TLE4: variants seen among roughly 807,000 people sequenced by gnomAD.
TLE4 encodes the protein transducin-like enhancer protein 4.
A neutral mutation model predicts 92.8 loss-of-function variants in TLE4; 8 were observed. The ratio of observed to expected loss-of-function variants is 0.09; its 90% CI spans 0.05 to 0.16. The LOEUF (loss-of-function observed/expected upper bound fraction) is 0.16, where lower values mean the gene tolerates loss of function less well. Among genes scored for constraint, TLE4 ranks in the 10% least tolerant of loss-of-function variants. The pLI is 1.00. For missense variants in TLE4, 675 were observed against 997.6 expected (o/e 0.68, Z 4.36); for synonymous variants, 371 against 374.1 (o/e 0.99, Z 0.10).
chr9:79,634,742 A>G (rs2055255104), intron 6 of TLE4, among the ~76,000 whole-genome samples: 1 of 152,170 alleles, frequency 6.6e-6, no homozygotes, highest in Non-Finnish European at 1.5e-5. Context: ...ATGGAATTAT[A>G]TATCATGTAG....
intron 8 of TLE4, among the ~76,000 whole-genome samples, chr9:79,658,951 G>C (rs2134383712): frequency 6.6e-6 from 1 of 152,248 alleles, no homozygotes; most frequent in Admixed American, 6.5e-5. Flanking sequence ...CTAATTAAGG[G>C]CTGTAACACT....
intron 4 of TLE4, among the ~76,000 whole-genome samples, chr9:79,587,501 C>T (rs187226832): frequency 1.3e-5 from 2 of 152,282 alleles, no homozygotes; most frequent in East Asian, 3.9e-4. Context: ...AAATTCATCC[C>T]TACTTCCATT....
chr9:79,588,965 TC>T (rs916074779), intron 4 of TLE4, among the ~76,000 whole-genome samples: 1 of 152,162 alleles, frequency 6.6e-6, no homozygotes, highest in Non-Finnish European at 1.5e-5. Context: ...GCAGTTCCTT[TC>T]CTCAGAGGAT....
intron 4 of TLE4, among the ~76,000 whole-genome samples, chr9:79,592,191 CT>C (rs1209449374): frequency 1.0e-4 from 14 of 135,950 alleles, no homozygotes; most frequent in African/African-American, 3.2e-4. Context: ...TCCTCTTCTT[CT>C]TCTTCTTCTT....
chr9:79,631,834 G>A (rs2054343646), intron 6 of TLE4, among the ~76,000 whole-genome samples: 1 of 151,176 alleles, frequency 6.6e-6, no homozygotes. Context: ...TAGCCATTAG[G>A]CAGAAAGGGA....
intron 4 of TLE4, among the ~76,000 whole-genome samples, chr9:79,606,187 G>GTTGTTTTTTTTTTTTTTTTT (rs2046834923): frequency 7.0e-5 from 2 of 28,674 alleles, no homozygotes; most frequent in Non-Finnish European, 1.3e-4. Context: ...AGTAGTAGTT[G>GTTGTTTTTTTTTTTTTTTTT]TTTTTTTTTT....
At chr9:79,706,974 A>C (rs1462669394) in intron 11 of TLE4, 75 bp downstream of exon 11, 1 of 1,575,124 alleles carries the variant, frequency 6.3e-7, no homozygotes, top group African/African-American at 1.4e-5. Context: ...TTTTATCTTT[A>C]TATTTCTCAC....
intron 4 of TLE4, among the ~76,000 whole-genome samples, chr9:79,580,669 T>C (rs980637062): frequency 2.6e-5 from 4 of 152,038 alleles, no homozygotes; most frequent in African/African-American, 9.7e-5. Flanking sequence ...GAGTAGGTGT[T>C]TTAGTATGGA....
At chr9:79,702,895 A>G (rs1285369540) in intron 8 of TLE4, among the ~76,000 whole-genome samples, 3 of 152,204 alleles carry the variant, frequency 2.0e-5, no homozygotes, top group Non-Finnish European at 4.4e-5. Context: ...AAGTTCAGAA[A>G]TGCCACAAAA....
chr9:79,719,911 A>C, intron 15 of TLE4, 135 bp from the exon 16 acceptor site: 1 of 1,172,126 alleles, frequency 8.5e-7, no homozygotes, highest in Non-Finnish European at 1.2e-6. Flanking sequence ...GCATTAATCC[A>C]CTTTATCATT....
intron 8 of TLE4, among the ~76,000 whole-genome samples, chr9:79,689,854 T>G (rs1007175524): frequency 5.3e-5 from 8 of 152,178 alleles, no homozygotes; most frequent in Non-Finnish European, 2.9e-5. Context: ...GTTGTCAACT[T>G]TAGAATCACC....
chr9:79,660,720 C>G (rs945647777), intron 8 of TLE4, among the ~76,000 whole-genome samples: 2 of 152,172 alleles, frequency 1.3e-5, no homozygotes, highest in Non-Finnish European at 2.9e-5. Context: ...TGAAACGTAA[C>G]AGGTGTCCTA....
chr9:79,714,058 A>G (rs1304951374), intron 14 of TLE4, among the ~76,000 whole-genome samples: 1 of 152,042 alleles, frequency 6.6e-6, no homozygotes, highest in Non-Finnish European at 1.5e-5. Flanking sequence ...AGTAGACATG[A>G]GGTTTCACTG....
chr9:79,686,926 C>T (rs866469095), intron 8 of TLE4, among the ~76,000 whole-genome samples: 7 of 152,152 alleles, frequency 4.6e-5, no homozygotes, highest in Non-Finnish European at 1.0e-4. Flanking sequence ...TGAGCATCTA[C>T]GTTTAATAAG....
chr9:79,712,104 A>G (rs369715984), intron 14 of TLE4, among the ~76,000 whole-genome samples: 1 of 152,160 alleles, frequency 6.6e-6, no homozygotes, highest in East Asian at 1.9e-4. Context: ...GTAAGATAAT[A>G]TGTTGTGTGT....
At chr9:79,636,960 A>C (rs2056018376) in intron 6 of TLE4, among the ~76,000 whole-genome samples, 1 of 152,186 alleles carries the variant, frequency 6.6e-6, no homozygotes, top group Non-Finnish European at 1.5e-5. Context: ...TATTCTCCGT[A>C]CAATTTTGAG....
chr9:79,591,404 T>C (rs2042503002), intron 4 of TLE4, among the ~76,000 whole-genome samples: 1 of 151,968 alleles, frequency 6.6e-6, no homozygotes, highest in South Asian at 2.1e-4. Context: ...TATTGAGTGG[T>C]AGAGGAGAGA....
chr9:79,627,083 T>A (rs1173350737), intron 5 of TLE4, among the ~76,000 whole-genome samples: 2 of 152,136 alleles, frequency 1.3e-5, no homozygotes, highest in Non-Finnish European at 2.9e-5. Context: ...AGATGGGTGG[T>A]CCAAGTGTAC....
chr9:79,638,925 C>T (rs75430097), intron 6 of TLE4, among the ~76,000 whole-genome samples: 1 of 152,200 alleles, frequency 6.6e-6, no homozygotes, highest in East Asian at 1.9e-4. Flanking sequence ...AGAGGCTACC[C>T]TCTGCTATCA....
Sources: allele counts gnomAD v4.1 joint callset (sites outside exome capture counted in the v4.1 genomes callset), GRCh38; gene constraint gnomAD v4.1.1; transcripts MANE v1.5; gene names NCBI Gene and HGNC (gene_info 2026-07-23, HGNC 2026-07-21).